PCOLCE2: variants seen among roughly 807,000 people sequenced by gnomAD.
PCOLCE2 encodes procollagen C-endopeptidase enhancer 2, also known as procollagen C-proteinase enhancer 2.
In PCOLCE2, 42 loss-of-function variants were observed where a neutral mutation model predicts 47.0. The ratio of observed to expected loss-of-function variants is 0.89; its 90% CI spans 0.70 to 1.16. The LOEUF (loss-of-function observed/expected upper bound fraction) is 1.16. PCOLCE2 is among the 50% of genes most tolerant of loss of function. The pLI, the probability that PCOLCE2 is intolerant of heterozygous loss-of-function variation, is 0.00. For missense variants in PCOLCE2, 500 were observed against 526.1 expected, an observed-to-expected ratio of 0.95 and a Z score of 0.49; for synonymous variants, 169 against 191.7, an observed-to-expected ratio of 0.88 and a Z score of 0.98.
chr3:142,849,148 A>G (rs1378996026), intron 2 of PCOLCE2, among the ~76,000 whole-genome samples: 3 of 91,354 alleles, frequency 3.3e-5, no homozygotes, highest in East Asian at 2.2e-4. Context: ...GCGAGACTCC[A>G]CCTCAAAAAA....
chr3:142,844,275 G>A (rs1402298511), intron 3 of PCOLCE2, among the ~76,000 whole-genome samples: 2 of 152,138 alleles, frequency 1.3e-5, no homozygotes, highest in Non-Finnish European at 2.9e-5. Flanking sequence ...CATTAGATGA[G>A]TTTAATTTTA....
intron 2 of PCOLCE2, among the ~76,000 whole-genome samples, chr3:142,883,789 G>A (rs1933671377): frequency 6.6e-6 from 1 of 152,052 alleles, no homozygotes; most frequent in African/African-American, 2.4e-5. Flanking sequence ...AGTTATGAAT[G>A]AAAATATCAA....
chr3:142,846,722 T>C (rs1937332057), intron 3 of PCOLCE2: 1 of 152,206 alleles, frequency 6.6e-6, no homozygotes, highest in South Asian at 2.1e-4. Flanking sequence ...TGACTCTTTT[T>C]TTCTGCCATC....
rs373784176 is a variant in PCOLCE2 at position 142,838,793 on chromosome 3, C to G, written c.687G>C (p.Lys229Asn). The change falls in exon 5 of 9, where the codon AAG becomes AAC. Residue 229 changes from lysine to asparagine, a missense_variant. Lys to Asn is a moderately conservative substitution (Grantham distance 94). Coordinates refer to ENST00000295992, the MANE Select transcript of PCOLCE2 (RefSeq NM_013363.4). ...GEVNDARRIG[K>N]YCGDSPPAPI... ...ACGCAGGTGGACTATCACCACAATA[C>G]TTTCCAATTCTTCTAGCATCGTTGA... The G allele has an allele frequency of 5.0e-6, 8 of 1,613,864 alleles. No individual in the cohort carries two copies. The African/African-American group carries it at 9.3e-5, about 19-fold the overall frequency.
In PCOLCE2 at chr3:142,821,009, T is replaced by C. The variant is rs1272994909; in HGVS notation, c.986A>G (p.Asp329Gly). The change falls in exon 8 of 9, where the codon GAT becomes GGT. Residue 329 changes from aspartate to glycine, a missense_variant. Coordinates refer to ENST00000295992, the MANE Select transcript of PCOLCE2 (RefSeq NM_013363.4). ...AGTVITTITR[D>G]GSLHATVSII... Reference sequence around the variant, plus strand: ...CGAGACTGTGGCGTGCAAACTCCCATCGCGAGTGATGGTTGTGATAACAGT... The same window carrying C: ...CGAGACTGTGGCGTGCAAACTCCCACCGCGAGTGATGGTTGTGATAACAGT... The C allele has an allele frequency of 1.9e-6, 3 of 1,613,300 alleles. No homozygotes were observed. In the South Asian group the frequency reaches 3.3e-5, roughly 18 times the overall value.
chr3:142,888,681 C>G, intron 1 of PCOLCE2, 133 bp downstream of exon 1: 1 of 515,760 alleles, frequency 1.9e-6, no homozygotes, highest in Non-Finnish European at 3.3e-6. Flanking sequence ...GACGCCTGCA[C>G]CGCGCGGGAG....
chr3:142,886,874 C>A (rs1269036526), intron 2 of PCOLCE2, among the ~76,000 whole-genome samples: 1 of 152,140 alleles, frequency 6.6e-6, no homozygotes, highest in African/African-American at 2.4e-5. Flanking sequence ...GTGGGGGCTA[C>A]TTTTTAAAAA....
rs535163568 is a variant in PCOLCE2 at position 142,842,012 on chromosome 3, C to T, written c.573+912G>A. Among the ~76,000 whole-genome samples, 5 of 152,246 alleles carry T rather than the reference C, an allele frequency of 3.3e-5. No individual in the cohort carries two copies. Among genetic ancestry groups the T allele is most frequent in the Admixed American group, 2.0e-4 (3 of 15,288 alleles). ...ATATGTAACCACAAATTAATAAATACTGGAAAAGTCGACCTTCTCTGTTGA... is the reference window on the plus strand; with the variant it reads ...ATATGTAACCACAAATTAATAAATATTGGAAAAGTCGACCTTCTCTGTTGA... On this transcript the variant is annotated intron_variant, in intron 4 of 8. Coordinates refer to ENST00000295992, the MANE Select transcript of PCOLCE2 (RefSeq NM_013363.4). The surrounding 1 kb of genome is among the most constrained non-coding windows in gnomAD (Gnocchi z 4.1).
intron 2 of PCOLCE2, among the ~76,000 whole-genome samples, chr3:142,875,177 T>G (rs1013300733): frequency 6.6e-6 from 1 of 152,210 alleles, no homozygotes; most frequent in Non-Finnish European, 1.5e-5. Flanking sequence ...ATGATCCCCT[T>G]GTTTAAAAAA....
intron 2 of PCOLCE2, among the ~76,000 whole-genome samples, chr3:142,858,707 A>G (rs867580590): frequency 2.7e-5 from 4 of 150,108 alleles, no homozygotes; most frequent in African/African-American, 9.8e-5. Flanking sequence ...CCCTCAGTCC[A>G]TGTATACAGG....
At chr3:142,881,537 C>T (rs1933620068) in intron 2 of PCOLCE2, among the ~76,000 whole-genome samples, 1 of 152,088 alleles carries the variant, frequency 6.6e-6, no homozygotes, top group Non-Finnish European at 1.5e-5. Context: ...TGCATTTATA[C>T]AAACCTAGAT....
At chr3:142,876,248 T>C (rs1933495964) in intron 2 of PCOLCE2, among the ~76,000 whole-genome samples, 1 of 152,230 alleles carries the variant, frequency 6.6e-6, no homozygotes, top group Non-Finnish European at 1.5e-5. Context: ...AAGTGTTCAA[T>C]AAGTATAATA....
chr3:142,822,868 C>G (rs999733839), intron 7 of PCOLCE2, among the ~76,000 whole-genome samples: 1 of 152,202 alleles, frequency 6.6e-6, no homozygotes, highest in African/African-American at 2.4e-5. Context: ...TAGCAACTTG[C>G]TCTTCCTGAT....
chr3:142,864,368 T>C (rs1933241371), intron 2 of PCOLCE2: 2 of 152,260 alleles, frequency 1.3e-5, no homozygotes, highest in Non-Finnish European at 1.5e-5. Flanking sequence ...AGAGCAGTTC[T>C]GCTTTTATCA....
intron 2 of PCOLCE2, among the ~76,000 whole-genome samples, chr3:142,859,524 C>G (rs1042855526): frequency 4.0e-5 from 6 of 151,634 alleles, no homozygotes; most frequent in Non-Finnish European, 8.8e-5. Flanking sequence ...TTTTATGGGT[C>G]AGGAACACAA....
At chr3:142,844,188 A>G (rs1481509320) in intron 3 of PCOLCE2, among the ~76,000 whole-genome samples, 1 of 152,214 alleles carries the variant, frequency 6.6e-6, no homozygotes, top group Non-Finnish European at 1.5e-5. Context: ...ATGATGATAT[A>G]GAATCCATTT....
In PCOLCE2 at chr3:142,885,684, T is replaced by A. The variant is rs112427021; in HGVS notation, c.192+1985A>T. Reference sequence around the variant, plus strand: ...ACCTTGTCTACTCCACCATCTTCCCTCTCCTGGATACCACAACAGCTTCCT... The same window carrying A: ...ACCTTGTCTACTCCACCATCTTCCCACTCCTGGATACCACAACAGCTTCCT... On this transcript the variant is annotated intron_variant, in intron 2 of 8. Coordinates refer to ENST00000295992, the MANE Select transcript of PCOLCE2 (RefSeq NM_013363.4). Among the ~76,000 whole-genome samples the A allele has an allele frequency of 9.1e-3, 1,387 of 152,280 alleles. 11 individuals are homozygous for A. The highest frequency in any genetic ancestry group is 0.032 in the African/African-American group (1,321 of 41,542).
chr3:142,881,470 T>C (rs1170117260), intron 2 of PCOLCE2, among the ~76,000 whole-genome samples: 1 of 152,202 alleles, frequency 6.6e-6, no homozygotes, highest in Non-Finnish European at 1.5e-5. Context: ...TGTTTAATGA[T>C]GGAGATATAT....
rs977119375 is a variant in PCOLCE2 at position 142,888,963 on chromosome 3, C to T, written c.-67G>A. 19 of 513,746 alleles carry T rather than the reference C, an allele frequency of 3.7e-5. No homozygotes were observed. Among genetic ancestry groups the T allele is most frequent in the Non-Finnish European group, 5.8e-5 (19 of 328,014 alleles). 31.8% of individuals were successfully genotyped at this position (513,746 alleles called of 1,614,324 possible). On this transcript the variant is annotated 5_prime_UTR_variant, in exon 1 of 9. Coordinates refer to ENST00000295992, the MANE Select transcript of PCOLCE2 (RefSeq NM_013363.4). Reference sequence around the variant, plus strand: ...GCCGGCACACACGCCCCTCCGCACCCACCGCGCTCACACCGCCGCTCACAC... The same window carrying T: ...GCCGGCACACACGCCCCTCCGCACCTACCGCGCTCACACCGCCGCTCACAC...
Sources: gnomAD v4.1 joint callset for allele counts (sites outside exome capture counted in the v4.1 genomes callset) on GRCh38, gnomAD v4.1.1 for gene constraint, Gnocchi (gnomAD v3.1) non-coding constraint, MANE v1.5 for transcripts, NCBI Gene and HGNC (gene_info 2026-07-23, HGNC 2026-07-21) for gene names.